The following SLC2A9 variants were observed in gnomAD, a reference collection of about 807,000 sequenced individuals.
SLC2A9 encodes the protein solute carrier family 2 member 9.
A neutral mutation model predicts 50.6 loss-of-function variants in SLC2A9; 39 were observed. The ratio of observed to expected loss-of-function variants is 0.77; its 90% CI spans 0.60 to 1.01. SLC2A9 has a LOEUF of 1.01. SLC2A9 is among the 50% of genes least tolerant of loss of function. The pLI, the probability that SLC2A9 is intolerant of heterozygous loss-of-function variation, is 0.00. For synonymous variants in SLC2A9, 324 were observed against 276.9 expected, an observed-to-expected ratio of 1.17 and a Z score of -1.69; for missense variants, 686 against 677.6, an observed-to-expected ratio of 1.01 and a Z score of -0.14.
At chr4:9,926,886 T>C (rs1426048975) in intron 6 of SLC2A9, among the ~76,000 whole-genome samples, 1 of 151,318 alleles carries the variant, frequency 6.6e-6, no homozygotes, top group Non-Finnish European at 1.5e-5. Context: ...GGAGGAGAGG[T>C]TGGAGTGATG....
chr4:10,005,360 C>T (rs1760599049), intron 2 of SLC2A9, among the ~76,000 whole-genome samples: 1 of 152,212 alleles, frequency 6.6e-6, no homozygotes, highest in South Asian at 2.1e-4. Context: ...AAAGGTGGCC[C>T]AGTAGAAGGT....
intron 3 of SLC2A9, among the ~76,000 whole-genome samples, chr4:9,814,747 C>T (rs1723346174): frequency 1.3e-5 from 2 of 151,900 alleles, no homozygotes; most frequent in Non-Finnish European, 1.5e-5. Flanking sequence ...TGAGAGAAAG[C>T]GCTAGAGCAA....
chr4:9,865,044 C>T (rs961683204), intron 10 of SLC2A9, among the ~76,000 whole-genome samples: 9 of 152,262 alleles, frequency 5.9e-5, no homozygotes, highest in African/African-American at 1.9e-4. Context: ...TTGAGACCAA[C>T]TTGCCCCAAA....
chr4:9,988,609 A>T (rs1472940200), intron 3 of SLC2A9, among the ~76,000 whole-genome samples: 3 of 152,252 alleles, frequency 2.0e-5, no homozygotes, highest in African/African-American at 7.2e-5. Context: ...GAACAGCAAC[A>T]TAAACAAGGG....
intron 5 of SLC2A9, among the ~76,000 whole-genome samples, chr4:9,967,410 A>C (rs1753208461): frequency 1.3e-5 from 2 of 152,176 alleles, no homozygotes; most frequent in African/African-American, 4.8e-5. Flanking sequence ...CATCTATAAA[A>C]TATTTGTATG....
chr4:9,880,294 GC>G, intron 10 of SLC2A9: 5 of 985,526 alleles, frequency 5.1e-6, no homozygotes, highest in Non-Finnish European at 6.0e-6. Context: ...TTGCTAGCCA[GC>G]GAGGCCCAGG....
chr4:9,790,889 T>C (rs1360559143), intron 3 of SLC2A9, among the ~76,000 whole-genome samples: 1 of 152,260 alleles, frequency 6.6e-6, no homozygotes, highest in Non-Finnish European at 1.5e-5. Context: ...ATCTTGCCTT[T>C]GCTACAATAT....
At chr4:9,780,981 C>A (rs1257625457) in intron 3 of SLC2A9, among the ~76,000 whole-genome samples, 1 of 152,132 alleles carries the variant, frequency 6.6e-6, no homozygotes, top group Non-Finnish European at 1.5e-5. Flanking sequence ...CCGAATTATT[C>A]CCCAAAGGAA....
intron 10 of SLC2A9, among the ~76,000 whole-genome samples, chr4:9,871,470 T>C (rs1378063168): frequency 6.6e-6 from 1 of 152,202 alleles, no homozygotes; most frequent in Non-Finnish European, 1.5e-5. Flanking sequence ...CTTCTGGTGC[T>C]GCTGGCAATC....
intron 10 of SLC2A9, among the ~76,000 whole-genome samples, chr4:9,876,413 C>A (rs146225768): frequency 6.6e-6 from 1 of 152,050 alleles, no homozygotes; most frequent in South Asian, 2.1e-4. Context: ...GGAAACATAG[C>A]AAGACTCTAT....
At chr4:9,857,262 T>A (rs1258470107) in intron 10 of SLC2A9, among the ~76,000 whole-genome samples, 1 of 152,100 alleles carries the variant, frequency 6.6e-6, no homozygotes, top group Non-Finnish European at 1.5e-5. Context: ...AGGTCTTGGT[T>A]TTCCCAGCTG....
upstream of SLC2A9, among the ~76,000 whole-genome samples, chr4:10,024,057 C>T (rs900689067): frequency 4.6e-5 from 7 of 152,328 alleles, no homozygotes; most frequent in African/African-American, 1.7e-4. Context: ...TTCAGGTTCT[C>T]CTGACCTTGC....
In SLC2A9 at chr4:10,008,900, G is replaced by GGTT. The variant is rs1553911924; in HGVS notation, c.249+10074_249+10075insAAC. 1.6e-4 allele frequency among the ~76,000 whole-genome samples: 21 copies of GGTT among 134,850 alleles called. 1 individual carries two copies. The highest frequency in any genetic ancestry group is 3.6e-4 in the African/African-American group (13 of 36,538). 88.5% of individuals were successfully genotyped at this position (134,850 alleles called of 152,430 possible). On this transcript the variant is annotated intron_variant, in intron 2 of 11. Coordinates refer to ENST00000264784, the MANE Select transcript of SLC2A9 (RefSeq NM_020041.3). ...TTCATTATCAAATTTCTGTGCGGTG[G>GGTT]TTTTTTTTTTTTTTTTTCCTAATGG...
chr4:9,777,223 A>G (rs974413563), downstream of SLC2A9, among the ~76,000 whole-genome samples: 12 of 152,100 alleles, frequency 7.9e-5, no homozygotes, highest in Middle Eastern at 3.4e-3. Flanking sequence ...AGATGGTTGC[A>G]GCAGAATCCC....
chr4:9,825,198 T>G (rs550140293), downstream of SLC2A9, among the ~76,000 whole-genome samples: 1 of 152,208 alleles, frequency 6.6e-6, no homozygotes, highest in Non-Finnish European at 1.5e-5. Flanking sequence ...GAAGCAAGTA[T>G]AGGAAATCGC....
intron 2 of SLC2A9, among the ~76,000 whole-genome samples, chr4:10,004,291 T>C (rs1409017743): frequency 6.6e-6 from 1 of 152,132 alleles, no homozygotes; most frequent in Non-Finnish European, 1.5e-5. Context: ...CCAAAGATGG[T>C]AGAACTGCAG....
At chr4:9,805,598 G>T (rs185861161) in intron 3 of SLC2A9, among the ~76,000 whole-genome samples, 263 of 152,060 alleles carry the variant, frequency 1.7e-3, no homozygotes, top group African/African-American at 6.2e-3. Flanking sequence ...CTACTCAGGA[G>T]GCTGAGGCAC....
chr4:9,951,968 T>C (rs1750361355), intron 5 of SLC2A9, among the ~76,000 whole-genome samples: 1 of 152,226 alleles, frequency 6.6e-6, no homozygotes, highest in African/African-American at 2.4e-5. Flanking sequence ...GTGGCTTCCA[T>C]GTGCCACGGC....
At chr4:9,836,630 A>G (rs1421832355) in intron 10 of SLC2A9, among the ~76,000 whole-genome samples, 1 of 152,236 alleles carries the variant, frequency 6.6e-6, no homozygotes, top group African/African-American at 2.4e-5. Context: ...AGCAGGGCCA[A>G]TGAAGCAGCC....
Sources: gnomAD v4.1 joint callset for allele counts (sites outside exome capture counted in the v4.1 genomes callset) on GRCh38, gnomAD v4.1.1 for gene constraint, MANE v1.5 for transcripts, NCBI Gene and HGNC (gene_info 2026-07-23, HGNC 2026-07-21) for gene names.